SP4: variants seen among roughly 807,000 people sequenced by gnomAD.
SP4 encodes Sp4 transcription factor.
SP4 carries 19 observed loss-of-function variants against 72.8 expected under a neutral mutation model. The observed-to-expected ratio is 0.26, with a 90% confidence interval of 0.18 to 0.38. The LOEUF is 0.38. SP4 is among the 10% of genes least tolerant of loss of function. The pLI, the probability that SP4 is intolerant of heterozygous loss-of-function variation, is 1.00. For synonymous variants in SP4, 395 were observed against 333.1 expected (o/e 1.19, Z -2.02); for missense variants, 1,008 against 926.3 (o/e 1.09, Z -1.14).
At chr7:21,508,219 A>AGACAGGCCC (rs1007145366) in intron 5 of SP4, among the ~76,000 whole-genome samples, 7 of 152,168 alleles carry the variant, frequency 4.6e-5, no homozygotes, top group African/African-American at 1.4e-4. Flanking sequence ...CAGAGATCCC[A>AGACAGGCCC]GACAGGCCCC....
At chr7:21,457,783 G>A (rs1256945868) in intron 3 of SP4, among the ~76,000 whole-genome samples, 3 of 152,042 alleles carry the variant, frequency 2.0e-5, no homozygotes, top group African/African-American at 7.2e-5. Context: ...GTGTGTGTGT[G>A]TGTATGCATG....
At chr7:21,485,118 T>A (rs1329604174) in intron 5 of SP4, among the ~76,000 whole-genome samples, 1 of 151,942 alleles carries the variant, frequency 6.6e-6, no homozygotes, top group South Asian at 2.1e-4. Flanking sequence ...AACTCCTGTT[T>A]GTTAAATTTG....
chr7:21,451,111 G>A (rs971260101), intron 3 of SP4, among the ~76,000 whole-genome samples: 1 of 152,204 alleles, frequency 6.6e-6, no homozygotes, highest in African/African-American at 2.4e-5. Flanking sequence ...TGCACGTGCA[G>A]TGTGTTTGTT....
intron 3 of SP4, among the ~76,000 whole-genome samples, chr7:21,441,280 G>A (rs1783236954): frequency 6.6e-6 from 1 of 152,196 alleles, no homozygotes. Flanking sequence ...CTTGGAATGA[G>A]CTTGATGGGG....
chr7:21,431,433 A>G (rs1447175822), intron 3 of SP4, among the ~76,000 whole-genome samples: 1 of 152,206 alleles, frequency 6.6e-6, no homozygotes, highest in East Asian at 1.9e-4. Flanking sequence ...GCCTACTTTT[A>G]TGCTACTATC....
intron 3 of SP4, among the ~76,000 whole-genome samples, chr7:21,458,796 C>A (rs576303452): frequency 1.3e-5 from 2 of 152,138 alleles, no homozygotes; most frequent in East Asian, 1.9e-4. Context: ...CCCCTCCCCC[C>A]ACACACGATA....
chr7:21,489,767 G>T (rs112959154), intron 5 of SP4, among the ~76,000 whole-genome samples: 1 of 151,888 alleles, frequency 6.6e-6, no homozygotes, highest in Non-Finnish European at 1.5e-5. Flanking sequence ...CACTGTGTTA[G>T]CCAGGATGAT....
intron 5 of SP4, among the ~76,000 whole-genome samples, chr7:21,494,443 G>A (rs1201787056): frequency 1.3e-5 from 2 of 152,174 alleles, no homozygotes; most frequent in Non-Finnish European, 2.9e-5. Flanking sequence ...GCCAGATACA[G>A]GATAAATGTA....
rs73682382 is a variant in SP4 at position 21,444,666 on chromosome 7, G to C, written c.1678+13823G>C. On this transcript the variant is annotated intron_variant, in intron 3 of 5. Transcript: ENST00000222584. ...ATATGCCACTGTTTAAGCACTTTAT[G>C]TGTATTAACTGTTTATTTTTCACAA... 8.9e-4 allele frequency among the ~76,000 whole-genome samples: 136 copies of C among 152,094 alleles called. 1 individual carries two copies. The highest frequency in any genetic ancestry group is 5.9e-5 in the Non-Finnish European group (4 of 67,994).
chr7:21,498,813 C>T (rs111820101), intron 5 of SP4, among the ~76,000 whole-genome samples: 20 of 152,174 alleles, frequency 1.3e-4, no homozygotes, highest in African/African-American at 3.4e-4. Flanking sequence ...AGGCCGGGTG[C>T]GGTGGCTCAC....
chr7:21,481,296 T>C (rs749005550), intron 4 of SP4, among the ~76,000 whole-genome samples: 26 of 152,172 alleles, frequency 1.7e-4, no homozygotes, highest in Non-Finnish European at 3.1e-4. Flanking sequence ...GTAGGAATCA[T>C]ATTCTTAGCT....
intron 3 of SP4, among the ~76,000 whole-genome samples, chr7:21,467,309 T>TA (rs908634472): frequency 4.6e-5 from 7 of 151,780 alleles, no homozygotes; most frequent in African/African-American, 1.5e-4. Flanking sequence ...AAAGTAGAAT[T>TA]AAAAAAAAAT....
chr7:21,430,701 T>G lies in SP4; in HGVS notation c.1536T>G (p.Pro512=), dbSNP rs1782814182. ...SGGTTLAQIA[P]VAVAGAPITL... ...GCACAACTCTTGCTCAGATTGCTCCTGTGGCTGTTGCTGGTGCCCCAATAA... is the reference window on the plus strand; with the variant it reads ...GCACAACTCTTGCTCAGATTGCTCCGGTGGCTGTTGCTGGTGCCCCAATAA... The change falls in exon 3 of 6, where the codon CCT becomes CCG. Residue 512 remains proline, a synonymous_variant. Transcript: ENST00000222584. The G allele has an allele frequency of 3.1e-6, 5 of 1,614,126 alleles. No individual in the cohort carries two copies. In the South Asian group the frequency reaches 5.5e-5, roughly 18 times the overall value.
intron 5 of SP4, among the ~76,000 whole-genome samples, chr7:21,484,707 G>A (rs1192585108): frequency 6.6e-6 from 1 of 151,794 alleles, no homozygotes; most frequent in African/African-American, 2.4e-5. Flanking sequence ...TTAGCAGTGG[G>A]ATAAATTAGG....
chr7:21,468,511 G>C (rs944503833), intron 3 of SP4, among the ~76,000 whole-genome samples: 1 of 151,158 alleles, frequency 6.6e-6, no homozygotes, highest in Non-Finnish European at 1.5e-5. Context: ...TTGCTATTAT[G>C]AATGGAATTT....
At chr7:21,428,294 GCCTCCCTCTCTC>G in intron 1 of SP4, 36 bp downstream of exon 1, 5 of 1,267,808 alleles carry the variant, frequency 3.9e-6, no homozygotes, top group South Asian at 1.3e-5. Context: ...CTCCTTCGCC[GCCTCCCTCTCTC>G]CCTCCCTCCC....
chr7:21,503,118 C>G (rs1456050489), intron 5 of SP4, among the ~76,000 whole-genome samples: 1 of 152,010 alleles, frequency 6.6e-6, no homozygotes, highest in Non-Finnish European at 1.5e-5. Flanking sequence ...GTCTTCTTTC[C>G]AAGTCTTAAT....
intron 3 of SP4, among the ~76,000 whole-genome samples, chr7:21,436,789 T>C (rs948098950): frequency 1.1e-4 from 16 of 152,198 alleles, no homozygotes; most frequent in Admixed American, 6.5e-4. Context: ...AAGTGTGTGG[T>C]GAGATGAGGG....
In SP4 at chr7:21,430,525, G is replaced by A. The variant is rs758944876; in HGVS notation, c.1360G>A (p.Val454Met). 6.2e-7 allele frequency: 1 copy of A among 1,614,222 alleles called. No individual in the cohort carries two copies. The highest frequency in any genetic ancestry group is 1.1e-5 in the South Asian group (1 of 91,090). The change falls in exon 3 of 6, where the codon GTG (valine) becomes ATG (methionine). Residue 454 changes from valine (V) to methionine (M), a missense_variant. Coordinates refer to ENST00000222584, the MANE Select transcript of SP4 (RefSeq NM_003112.5). ...VQLQAVNPTQ[V>M]LIRAPTLTPS... is the part of the protein sequence containing the mutation. ...ACTTCAAGCAGTAAATCCGACTCAG[G>A]TGCTTATCAGGGCTCCAACTTTAAC...
Sources: gnomAD v4.1 joint callset for allele counts (sites outside exome capture counted in the v4.1 genomes callset) on GRCh38, gnomAD v4.1.1 for gene constraint, MANE v1.5 for transcripts, NCBI Gene and HGNC (gene_info 2026-07-23, HGNC 2026-07-21) for gene names.